The following RNF111 variants were observed in gnomAD, a reference collection of about 807,000 sequenced individuals.
RNF111 encodes ring finger protein 111.
A neutral mutation model predicts 95.1 loss-of-function variants in RNF111; 17 were observed. The ratio of observed to expected loss-of-function variants is 0.18; its 90% CI spans 0.12 to 0.27. RNF111 has a LOEUF of 0.27. Among genes scored for constraint, RNF111 ranks in the 10% least tolerant of loss-of-function variants. The probability of loss-of-function intolerance (pLI) is 1.00; values close to 1 mark genes in which losing one functional copy is unlikely to be tolerated. For missense variants in RNF111, 1,189 were observed against 1,210.4 expected (o/e 0.98, Z 0.26); for synonymous variants, 440 against 414.8 (o/e 1.06, Z -0.74).
chr15:59,093,779 C>T (rs1332337289), intron 13 of RNF111, among the ~76,000 whole-genome samples: 3 of 151,822 alleles, frequency 2.0e-5, no homozygotes, highest in Admixed American at 6.6e-5. Context: ...ATAACTTTGT[C>T]GTACCTCTTC....
intron 1 of RNF111, among the ~76,000 whole-genome samples, chr15:59,018,320 T>C (rs1243265496): frequency 6.6e-6 from 1 of 152,206 alleles, no homozygotes; most frequent in African/African-American, 2.4e-5. Flanking sequence ...TGCCCTATTC[T>C]GTCATTAAGG....
intron 3 of RNF111, among the ~76,000 whole-genome samples, chr15:59,053,193 A>G (rs2042064116): frequency 6.6e-6 from 1 of 152,190 alleles, no homozygotes; most frequent in South Asian, 2.1e-4. Flanking sequence ...CTAACACATT[A>G]ATGAAACATC....
At chr15:59,047,499 A>G (rs1436779847) in intron 2 of RNF111, among the ~76,000 whole-genome samples, 1 of 152,072 alleles carries the variant, frequency 6.6e-6, no homozygotes, top group Non-Finnish European at 1.5e-5. Flanking sequence ...TTTCTCAAAC[A>G]CAAACAGACA....
intron 4 of RNF111, among the ~76,000 whole-genome samples, chr15:59,057,608 C>G (rs1435705462): frequency 1.3e-5 from 2 of 152,150 alleles, no homozygotes; most frequent in African/African-American, 4.8e-5. Context: ...AAGTTGAAGT[C>G]TACCTGAAAT....
intron 1 of RNF111, among the ~76,000 whole-genome samples, chr15:58,995,546 C>A (rs2039027444): frequency 6.6e-6 from 1 of 151,678 alleles, no homozygotes. Context: ...GCAACCTCTG[C>A]CTCCCGGGTT....
intron 2 of RNF111, among the ~76,000 whole-genome samples, chr15:59,044,608 CCTAA>C (rs763022044): frequency 1.3e-5 from 2 of 152,150 alleles, no homozygotes; most frequent in Non-Finnish European, 2.9e-5. Flanking sequence ...CTATAAACAA[CCTAA>C]CTAACCTTAA....
chr15:59,073,659 C>A (rs1406178082), intron 6 of RNF111, among the ~76,000 whole-genome samples: 1 of 152,148 alleles, frequency 6.6e-6, no homozygotes, highest in Non-Finnish European at 1.5e-5. Context: ...TCTTGAACCC[C>A]TCAAAGTGTG....
intron 6 of RNF111, among the ~76,000 whole-genome samples, chr15:59,070,938 T>C (rs79464006): frequency 0.032 from 4,867 of 152,288 alleles, 279 homozygotes; most frequent in African/African-American, 0.11. Flanking sequence ...CAGATCTTTA[T>C]GATCTTTCAT....
intron 5 of RNF111, 45 bp downstream of exon 5, chr15:59,058,595 C>G (rs767198954): frequency 6.6e-7 from 1 of 1,520,786 alleles, no homozygotes; most frequent in Non-Finnish European, 9.1e-7. Flanking sequence ...TCATTACTTT[C>G]GTTAGGAAAA....
In RNF111 at chr15:59,031,374, G is replaced by T. The variant is rs147684297; in HGVS notation, c.552G>T (p.Trp184Cys). 1.3e-5 allele frequency: 21 copies of T among 1,614,168 alleles called. No homozygotes were observed. In the African/African-American group the frequency reaches 2.0e-4, roughly 15 times the overall value. The change falls in exon 2 of 14, where the codon TGG becomes TGT. Residue 184 changes from tryptophan to cysteine, a missense_variant. Around this residue, in one of 2 missense-constraint regions of RNF111, gnomAD observed 1,024 missense variants for 925.9 expected, o/e 1.11. Coordinates refer to ENST00000348370, the MANE Select transcript of RNF111 (RefSeq NM_017610.8). ...SRSHSARSHKWPRTETESVSG... is the reference protein window; with the variant it reads ...SRSHSARSHKCPRTETESVSG... ...GCCATAGTGCACGGTCTCATAAGTGGCCTCGGACTGAGACAGAATCTGTAT... is the reference window on the plus strand; with the variant it reads ...GCCATAGTGCACGGTCTCATAAGTGTCCTCGGACTGAGACAGAATCTGTAT...
chr15:59,055,224 T>C (rs1244113532), intron 3 of RNF111, among the ~76,000 whole-genome samples: 1 of 152,194 alleles, frequency 6.6e-6, no homozygotes, highest in Non-Finnish European at 1.5e-5. Flanking sequence ...TTGTTTTCTT[T>C]TATGGCAATA....
At chr15:59,089,808 G>C in intron 11 of RNF111, 49 bp downstream of exon 11, 1 of 1,270,160 alleles carries the variant, frequency 7.9e-7, no homozygotes, top group Admixed American at 1.7e-5. Flanking sequence ...CTTTAATGCA[G>C]ATTGAGTATA....
At chr15:59,019,005 C>T (rs1447867520) in intron 1 of RNF111, among the ~76,000 whole-genome samples, 1 of 151,966 alleles carries the variant, frequency 6.6e-6, no homozygotes, top group Non-Finnish European at 1.5e-5. Context: ...CTCACTGCAG[C>T]CTCTGCCTTC....
intron 5 of RNF111, among the ~76,000 whole-genome samples, chr15:59,066,098 G>A (rs1469987917): frequency 6.6e-6 from 1 of 152,172 alleles, no homozygotes; most frequent in African/African-American, 2.4e-5. Context: ...CTCAGGGGAA[G>A]AGCATTTGCT....
chr15:58,996,155 G>A (rs907231190), intron 1 of RNF111, among the ~76,000 whole-genome samples: 1 of 152,036 alleles, frequency 6.6e-6, no homozygotes, highest in Admixed American at 6.6e-5. Context: ...AATTGTGTGT[G>A]TATGTTTAGC....
At chr15:58,990,241 A>G (rs1381709239) in intron 1 of RNF111, among the ~76,000 whole-genome samples, 4 of 152,278 alleles carry the variant, frequency 2.6e-5, no homozygotes, top group Admixed American at 2.6e-4. Context: ...CCCAAATTTA[A>G]TGGTTTGTAT....
chr15:58,993,161 T>G (rs1476632246), intron 1 of RNF111, among the ~76,000 whole-genome samples: 4 of 151,190 alleles, frequency 2.6e-5, no homozygotes, highest in African/African-American at 9.7e-5. Flanking sequence ...CAGAGCAAGA[T>G]TCCATCTCAA....
chr15:59,022,557 C>G (rs2040397271), intron 1 of RNF111, among the ~76,000 whole-genome samples: 1 of 152,228 alleles, frequency 6.6e-6, no homozygotes, highest in Admixed American at 6.5e-5. Context: ...GTCCCTTAAT[C>G]TCCTCACATG....
intron 1 of RNF111, among the ~76,000 whole-genome samples, chr15:58,990,458 G>A (rs2038762442): frequency 1.3e-5 from 2 of 152,156 alleles, no homozygotes; most frequent in Admixed American, 6.5e-5. Context: ...TGACCAGTCT[G>A]GCCAAAATGG....
Sources: gnomAD v4.1 joint callset for allele counts (sites outside exome capture counted in the v4.1 genomes callset) on GRCh38, gnomAD v4.1.1 for gene constraint, gnomAD v4.1.1 regional missense constraint, MANE v1.5 for transcripts, NCBI Gene and HGNC (gene_info 2026-07-23, HGNC 2026-07-21) for gene names.